ANO10: variants seen among roughly 807,000 people sequenced by gnomAD.
ANO10 encodes anoctamin 10.
ANO10 carries 77 observed loss-of-function variants against 74.7 expected under a neutral mutation model. The observed-to-expected ratio is 1.03, with a 90% CI of 0.86 to 1.25. The LOEUF is 1.25. Among genes scored for constraint, ANO10 ranks in the 50% most tolerant of loss-of-function variants. The pLI is 0.00. For missense variants in ANO10, 721 were observed against 778.1 expected, an observed-to-expected ratio of 0.93 and a Z score of 0.87; for synonymous variants, 279 against 284.9, an observed-to-expected ratio of 0.98 and a Z score of 0.21.
intron 1 of ANO10, among the ~76,000 whole-genome samples, chr3:43,682,920 G>A (rs1258419502): frequency 6.6e-6 from 1 of 152,128 alleles, no homozygotes; most frequent in African/African-American, 2.4e-5. Context: ...AGGTATTGAC[G>A]GGACATATCT....
chr3:43,400,728 C>T (rs1052752883), intron 12 of ANO10, among the ~76,000 whole-genome samples: 15 of 152,038 alleles, frequency 9.9e-5, no homozygotes, highest in African/African-American at 3.6e-4. Context: ...TGCAGTGAGC[C>T]CTGATGGTGC....
intron 7 of ANO10, among the ~76,000 whole-genome samples, chr3:43,567,146 A>G (rs1212005255): frequency 6.6e-6 from 1 of 152,194 alleles, no homozygotes; most frequent in African/African-American, 2.4e-5. Flanking sequence ...AAGAATAAAA[A>G]GAAATGAGCA....
chr3:43,580,868 T>C (rs2081234754), intron 4 of ANO10, among the ~76,000 whole-genome samples: 1 of 152,146 alleles, frequency 6.6e-6, no homozygotes, highest in South Asian at 2.1e-4. Flanking sequence ...CATAATCTTT[T>C]CTCATGTAGT....
intron 1 of ANO10, among the ~76,000 whole-genome samples, chr3:43,679,390 G>A (rs941249390): frequency 3.3e-5 from 5 of 152,226 alleles, no homozygotes; most frequent in African/African-American, 1.2e-4. Context: ...GCGAGGCTAG[G>A]GGAGGGGTGC....
intron 12 of ANO10, among the ~76,000 whole-genome samples, chr3:43,426,217 A>T (rs1203228282): frequency 2.0e-5 from 3 of 152,218 alleles, no homozygotes; most frequent in Non-Finnish European, 4.4e-5. Flanking sequence ...ACCAAACTGT[A>T]ACGTGACTGC....
chr3:43,503,360 T>C (rs945486740), intron 11 of ANO10, among the ~76,000 whole-genome samples: 1 of 152,124 alleles, frequency 6.6e-6, no homozygotes, highest in African/African-American at 2.4e-5. Flanking sequence ...GGGAGAGAGA[T>C]CACCTAATTA....
intron 11 of ANO10, among the ~76,000 whole-genome samples, chr3:43,538,319 G>A (rs2078806973): frequency 6.6e-6 from 1 of 151,736 alleles, no homozygotes; most frequent in African/African-American, 2.4e-5. Context: ...TTTAACTGAG[G>A]AAAAAAAATA....
intron 11 of ANO10, among the ~76,000 whole-genome samples, chr3:43,493,683 G>T (rs1171453527): frequency 6.6e-6 from 1 of 152,018 alleles, no homozygotes; most frequent in Non-Finnish European, 1.5e-5. Flanking sequence ...AACAGAAAAT[G>T]ATCTAAAATA....
rs548075642 is a variant in ANO10, at chr3:43,588,956, C to T, written c.473-8484G>A. 3.3e-5 allele frequency among the ~76,000 whole-genome samples: 5 copies of T among 152,176 alleles called. No homozygotes were observed. The East Asian group carries it at 9.6e-4, about 29-fold the overall frequency. ...CTAGAGCTATGATGGATCAAGAAAA[C>T]AAAGTACAAGGGACACAAGAACTAC... On this transcript the variant is annotated intron_variant, in intron 4 of 12. Coordinates refer to ENST00000292246, the MANE Select transcript of ANO10 (RefSeq NM_018075.5).
chr3:43,439,383 A>AC (rs1221520350), intron 11 of ANO10, among the ~76,000 whole-genome samples: 1 of 150,358 alleles, frequency 6.7e-6, no homozygotes, highest in Non-Finnish European at 1.5e-5. Flanking sequence ...ACATAATGCT[A>AC]CAGGCATTCC....
At chr3:43,651,614 T>G (rs181179433) in intron 1 of ANO10, among the ~76,000 whole-genome samples, 1 of 152,298 alleles carries the variant, frequency 6.6e-6, no homozygotes, top group East Asian at 1.9e-4. Flanking sequence ...AAGAGCAGAA[T>G]TTTTCTCTTA....
chr3:43,471,764 C>G (rs1317505726), intron 11 of ANO10, among the ~76,000 whole-genome samples: 1 of 152,042 alleles, frequency 6.6e-6, no homozygotes, highest in Non-Finnish European at 1.5e-5. Flanking sequence ...CACAGTGAGA[C>G]CCCATCCCTA....
At position 43,576,804 on chromosome 3, in the gene ANO10, G is replaced by T. The variant is rs143141504; in HGVS notation, c.1050C>A (p.Ser350Arg). The T allele has an allele frequency of 6.2e-7, 1 of 1,614,140 alleles. No homozygotes were observed. The highest frequency in any genetic ancestry group is 8.5e-7 in the Non-Finnish European group (1 of 1,180,028). ...ACAGGACACTGGTCCACTCAGACCCGCTGTTCTCATGTAGACCCAAGGCCC... is the reference window on the plus strand; with the variant it reads ...ACAGGACACTGGTCCACTCAGACCCTCTGTTCTCATGTAGACCCAAGGCCC... ...EVWALGLHEN[S>R]GSEWTSVLLY... The change falls in exon 6 of 13, where the codon AGC becomes AGA. Residue 350 changes from serine to arginine, a missense_variant. By Grantham distance (110) the Ser-to-Arg change is moderately radical. Coordinates refer to ENST00000292246, the MANE Select transcript of ANO10 (RefSeq NM_018075.5).
chr3:43,409,858 C>T lies in ANO10; in HGVS notation c.1914+22753G>A, dbSNP rs573959825. Among the ~76,000 whole-genome samples the T allele has an allele frequency of 7.6e-4, 116 of 152,278 alleles. 1 individual carries two copies. Among genetic ancestry groups the T allele is most frequent in the African/African-American group, 2.6e-3 (109 of 41,554 alleles). On this transcript the variant is annotated intron_variant, in intron 12 of 12. Coordinates refer to ENST00000292246, the MANE Select transcript of ANO10 (RefSeq NM_018075.5). ...AAGGACCATCAAAGCTAAGGGTCTA[C>T]GCAAGCGTTTTAAGGGGATTTAACT...
intron 11 of ANO10, among the ~76,000 whole-genome samples, chr3:43,535,330 C>G (rs1173126842): frequency 7.2e-6 from 1 of 138,822 alleles, no homozygotes; most frequent in Non-Finnish European, 1.5e-5. Flanking sequence ...GGCTGGAGTA[C>G]AATGGTGCCA....
chr3:43,465,778 G>A (rs2075585586), intron 11 of ANO10, among the ~76,000 whole-genome samples: 1 of 152,156 alleles, frequency 6.6e-6, no homozygotes, highest in African/African-American at 2.4e-5. Flanking sequence ...ATTTAGGGAT[G>A]AATACAATAT....
intron 11 of ANO10, among the ~76,000 whole-genome samples, chr3:43,510,792 T>C (rs1210177255): frequency 6.6e-6 from 1 of 152,216 alleles, no homozygotes; most frequent in Non-Finnish European, 1.5e-5. Flanking sequence ...GTTCAACTGA[T>C]GCTTAATTAA....
chr3:43,601,751 T>C (rs965487596), intron 2 of ANO10, among the ~76,000 whole-genome samples: 1 of 152,188 alleles, frequency 6.6e-6, no homozygotes, highest in Non-Finnish European at 1.5e-5. Flanking sequence ...ACCTCACTCA[T>C]ATTAAGACAA....
At chr3:43,617,489 G>C (rs2083174095) in intron 1 of ANO10, among the ~76,000 whole-genome samples, 1 of 152,038 alleles carries the variant, frequency 6.6e-6, no homozygotes, top group Non-Finnish European at 1.5e-5. Flanking sequence ...TTGCACACAG[G>C]GTCAAAGAGA....
Sources: allele counts gnomAD v4.1 joint callset (sites outside exome capture counted in the v4.1 genomes callset), GRCh38; gene constraint gnomAD v4.1.1; transcripts MANE v1.5; gene names NCBI Gene and HGNC (gene_info 2026-07-23, HGNC 2026-07-21).